Variants in PPA2 observed in about 807,000 individuals in gnomAD.
PPA2 encodes the protein inorganic pyrophosphatase 2.
Under a neutral mutation model 49.5 loss-of-function variants are expected in PPA2, and 48 were observed. The ratio of observed to expected loss-of-function variants is 0.97; its 90% CI spans 0.77 to 1.23. The LOEUF (loss-of-function observed/expected upper bound fraction) is 1.23, where lower values mean the gene tolerates loss of function less well. PPA2 is among the 50% of genes most tolerant of loss of function. The probability of loss-of-function intolerance (pLI) is 0.00; values close to 1 mark genes in which losing one functional copy is unlikely to be tolerated. For synonymous variants in PPA2, 131 were observed against 139.9 expected (o/e 0.94, Z 0.45); for missense variants, 429 against 410.1 (o/e 1.05, Z -0.40).
intron 7 of PPA2, among the ~76,000 whole-genome samples, chr4:105,419,139 TTTTTGTTTTGTTTTG>T (rs143208606): frequency 1.5e-3 from 232 of 150,482 alleles, no homozygotes; most frequent in African/African-American, 5.6e-3. Context: ...GTGCTCTGTT[TTTTTGTTTTGTTTTG>T]TTTTGTTTTG....
intron 10 of PPA2, among the ~76,000 whole-genome samples, chr4:105,380,803 C>T (rs960541447): frequency 6.6e-6 from 1 of 151,960 alleles, no homozygotes; most frequent in African/African-American, 2.4e-5. Flanking sequence ...CTATATGTGT[C>T]CTGCTTTTTC....
intron 1 of PPA2, chr4:105,473,617 G>A: frequency 1.5e-6 from 1 of 671,792 alleles, no homozygotes; most frequent in Non-Finnish European, 2.8e-6. Flanking sequence ...CGGGGAGGGC[G>A]GCTGGCAGGG....
At chr4:105,473,710 G>T in intron 1 of PPA2, 184 bp downstream of exon 1, 1 of 943,238 alleles carries the variant, frequency 1.1e-6, no homozygotes, top group Non-Finnish European at 1.7e-6. Flanking sequence ...CCTCCTCGCT[G>T]GCAGTTCTCG....
intron 9 of PPA2, among the ~76,000 whole-genome samples, chr4:105,387,206 A>G (rs74319729): frequency 0.04 from 6,027 of 152,158 alleles, 149 homozygotes; most frequent in African/African-American, 0.07. Flanking sequence ...CTATACCTCT[A>G]AAAGCATGCT....
chr4:105,369,191 A>G lies in PPA2; in HGVS notation c.*534T>C, dbSNP rs1366913684. On this transcript the variant is annotated 3_prime_UTR_variant, in exon 12 of 12. Coordinates refer to ENST00000341695, the MANE Select transcript of PPA2 (RefSeq NM_176869.3). ...TATAGAAACTAGAAATGGTCAACTC[A>G]ATGCCTCTAAATTTGTGCTATGAAA... 3 of 152,170 alleles carry G rather than the reference A, an allele frequency of 2.0e-5. No homozygotes were observed. The highest frequency in any genetic ancestry group is 7.2e-5 in the African/African-American group (3 of 41,434). The allele number at this position is 152,170 out of a possible 1,614,324, so 9.4% of individuals were successfully genotyped here.
intron 7 of PPA2, chr4:105,399,409 C>T (rs1311261072): frequency 6.5e-6 from 2 of 306,744 alleles, no homozygotes; most frequent in African/African-American, 4.3e-5. Context: ...AGACAATGTG[C>T]TATGTATGGG....
chr4:105,460,842 T>C (rs1560642847), intron 1 of PPA2, among the ~76,000 whole-genome samples: 1 of 151,870 alleles, frequency 6.6e-6, no homozygotes. Context: ...CCAATACTTA[T>C]TAAGATGTAA....
At chr4:105,442,895 C>T (rs895737413) in intron 5 of PPA2, among the ~76,000 whole-genome samples, 2 of 152,192 alleles carry the variant, frequency 1.3e-5, no homozygotes, top group Non-Finnish European at 2.9e-5. Flanking sequence ...AGTATCCACA[C>T]ACGCCTATGA....
chr4:105,425,411 T>C (rs1472827760), intron 6 of PPA2, among the ~76,000 whole-genome samples: 1 of 151,984 alleles, frequency 6.6e-6, no homozygotes, highest in East Asian at 1.9e-4. Flanking sequence ...AGCTAAGACA[T>C]ATATAATCTG....
At chr4:105,418,537 C>T (rs1189115217) in intron 7 of PPA2, among the ~76,000 whole-genome samples, 2 of 151,998 alleles carry the variant, frequency 1.3e-5, no homozygotes, top group East Asian at 1.9e-4. Flanking sequence ...AGTGTGATGC[C>T]GGCCTATGAA....
chr4:105,456,796 A>C, intron 1 of PPA2, 51 bp from the exon 2 acceptor site: 1 of 1,433,398 alleles, frequency 7.0e-7, no homozygotes, highest in Non-Finnish European at 9.7e-7. Context: ...CAATAGACAC[A>C]TTGTTCTATA....
chr4:105,399,158 T>A lies in PPA2; in HGVS notation c.662A>T (p.Asp221Val), dbSNP rs1734260785. The stretch of plus-strand genomic sequence containing the variant: ...ACCCGGTTTGAACTTCTTAACATCA[T>A]CAATATCTGTAAAGAAAAAAACAAA... ...DPEASKFHDI[D>V]DVKKFKPGYL... Residue 221 changes from aspartate (D) to valine (V), a missense_variant, in exon 8 of 12, where the codon GAT becomes GTT. Transcript: ENST00000341695. The A allele has an allele frequency of 6.3e-7, 1 of 1,588,636 alleles. No individual in the cohort carries two copies. The highest frequency in any genetic ancestry group is 1.4e-5 in the African/African-American group (1 of 73,144).
intron 10 of PPA2, among the ~76,000 whole-genome samples, chr4:105,385,879 A>ATTTT (rs57267137): frequency 1.5e-5 from 2 of 131,046 alleles, no homozygotes; most frequent in African/African-American, 5.4e-5. Flanking sequence ...TTTATTTTCA[A>ATTTT]TTTTTTTTTT....
chr4:105,464,733 T>C (rs746007754), intron 1 of PPA2, among the ~76,000 whole-genome samples: 1 of 152,194 alleles, frequency 6.6e-6, no homozygotes, highest in Non-Finnish European at 1.5e-5. Context: ...CTCTCTTGTC[T>C]GCCACCATAT....
intron 3 of PPA2, among the ~76,000 whole-genome samples, chr4:105,453,271 C>A (rs1021556673): frequency 1.3e-5 from 2 of 152,044 alleles, no homozygotes; most frequent in Non-Finnish European, 2.9e-5. Context: ...AGTTGCTCAA[C>A]GTGTAGAGTT....
intron 10 of PPA2, among the ~76,000 whole-genome samples, chr4:105,382,167 G>A (rs557366139): frequency 6.6e-6 from 1 of 151,742 alleles, no homozygotes; most frequent in East Asian, 1.9e-4. Flanking sequence ...TTATTTATAA[G>A]TACTTTTAAA....
At chr4:105,449,478 G>T in intron 3 of PPA2, 75 bp from the exon 4 acceptor site, 2 of 867,878 alleles carry the variant, frequency 2.3e-6, no homozygotes, top group Non-Finnish European at 3.6e-6. Context: ...TCCCTTATAA[G>T]AATACCTTAG....
At chr4:105,376,982 G>C (rs1171529295) in intron 10 of PPA2, among the ~76,000 whole-genome samples, 1 of 152,150 alleles carries the variant, frequency 6.6e-6, no homozygotes, top group Non-Finnish European at 1.5e-5. Context: ...CCTCAAAGAG[G>C]AAAGTGCTTA....
chr4:105,376,611 C>T (rs925879677), intron 10 of PPA2, among the ~76,000 whole-genome samples: 1 of 152,138 alleles, frequency 6.6e-6, no homozygotes, highest in East Asian at 1.9e-4. Context: ...TTTTAGAAGT[C>T]ATTAAGCTTT....
Sources: allele counts gnomAD v4.1 joint callset (sites outside exome capture counted in the v4.1 genomes callset), GRCh38; gene constraint gnomAD v4.1.1; transcripts MANE v1.5; gene names NCBI Gene and HGNC (gene_info 2026-07-23, HGNC 2026-07-21).